GTF3C1: variants seen among roughly 807,000 people sequenced by gnomAD.
GTF3C1 encodes the protein general transcription factor IIIC subunit 1.
A neutral mutation model predicts 226.7 loss-of-function variants in GTF3C1; 57 were observed. That is an observed-to-expected ratio of 0.25 (90% CI 0.20 to 0.31). GTF3C1 has a LOEUF of 0.31. GTF3C1 is among the 10% of genes least tolerant of loss of function. The pLI is 1.00. For missense variants in GTF3C1, 2,217 were observed against 2,776.1 expected (o/e 0.80, Z 4.53); for synonymous variants, 1,090 against 1,084.8 (o/e 1.00, Z -0.09).
Position 27,522,802 on chromosome 16 carries a change from G to A in GTF3C1, c.973+5796C>T, listed in dbSNP as rs150137882. On this transcript the variant is annotated intron_variant, in intron 6 of 36. Coordinates refer to ENST00000356183, the MANE Select transcript of GTF3C1 (RefSeq NM_001520.4). Reference sequence around the variant, plus strand: ...ATTTTGTAGTTTTCACAGCGTATATGTTTTGTACTTCTTTTGTTAAATATA... The same window carrying A: ...ATTTTGTAGTTTTCACAGCGTATATATTTTGTACTTCTTTTGTTAAATATA... Among the ~76,000 whole-genome samples the A allele has an allele frequency of 2.0e-5, 3 of 152,288 alleles. No individual in the cohort carries two copies. The East Asian group carries it at 5.8e-4, about 29-fold the overall frequency.
At position 27,464,369 on chromosome 16, in the gene GTF3C1, C is replaced by T. The variant is rs2087750807; in HGVS notation, c.5823G>A (p.Glu1941=). 1 of 1,570,628 alleles carries T rather than the reference C, an allele frequency of 6.4e-7. No homozygotes were observed. Among genetic ancestry groups the T allele is most frequent in the Non-Finnish European group, 8.6e-7 (1 of 1,161,426 alleles). The part of the protein sequence containing the change: ...GVGEFSSPGQ[E]QLSGQAQPPE... ...GAGGCTGCGCCTGGCCGCTCAGCTG[C>T]TCTTGGCCTGGGGAACTGAACTCAC... is the stretch of plus-strand genomic sequence containing the variant. The change falls in exon 34 of 37, where the codon GAG becomes GAA. Residue 1941 remains glutamate, a synonymous_variant. Coordinates refer to ENST00000356183, the MANE Select transcript of GTF3C1 (RefSeq NM_001520.4).
At position 27,461,059 on chromosome 16, in the gene GTF3C1, G is replaced by T; in HGVS notation, c.*291C>A. On this transcript the variant is annotated 3_prime_UTR_variant, in exon 37 of 37. Coordinates refer to ENST00000356183, the MANE Select transcript of GTF3C1 (RefSeq NM_001520.4). The surrounding 1 kb of genome is among the most constrained non-coding windows in gnomAD (Gnocchi z 5.3). The stretch of plus-strand genomic sequence containing the variant: ...TGGAATGTGAGGTGTGCACAGGCGG[G>T]GCAAACTCTGGAGACCCAGAGACAA... The T allele has an allele frequency of 2.8e-6, 1 of 358,172 alleles. No individual in the cohort carries two copies. The highest frequency in any genetic ancestry group is 5.2e-6 in the Non-Finnish European group (1 of 193,922). The allele number at this position is 358,172 out of a possible 1,614,324, so 22.2% of individuals were successfully genotyped here. A position where few individuals can be genotyped will look rare whatever the true frequency, so the allele number is the denominator to read the frequency against.
In GTF3C1 at chr16:27,492,607, G is replaced by T; in HGVS notation, c.2973+10C>A. 1 of 1,567,386 alleles carries T rather than the reference G, an allele frequency of 6.4e-7. No homozygotes were observed. The highest frequency in any genetic ancestry group is 8.8e-7 in the Non-Finnish European group (1 of 1,137,374). ...CAGAATTTCCTTCGTTTGGGCTTGA[G>T]GGACATTACCTGATCTTTATCCTGA... On this transcript the variant is annotated intron_variant, in intron 18 of 36. Coordinates refer to ENST00000356183, the MANE Select transcript of GTF3C1 (RefSeq NM_001520.4). The surrounding 1 kb of genome is among the most constrained non-coding windows in gnomAD (Gnocchi z 5.0).
At chr16:27,515,519 C>T (rs1596647111) in intron 6 of GTF3C1, among the ~76,000 whole-genome samples, 1 of 151,966 alleles carries the variant, frequency 6.6e-6, no homozygotes, top group African/African-American at 2.4e-5. Context: ...GGTTCACCGT[C>T]CTCACCTCTC....
chr16:27,515,456 A>T (rs1364199385), intron 6 of GTF3C1, among the ~76,000 whole-genome samples: 19 of 151,556 alleles, frequency 1.3e-4, no homozygotes, highest in Non-Finnish European at 2.8e-4. Flanking sequence ...CAAACAAAAC[A>T]AAACACAACA....
intron 34 of GTF3C1, chr16:27,464,018 C>A: frequency 4.6e-6 from 2 of 437,090 alleles, no homozygotes; most frequent in Non-Finnish European, 8.0e-6. Flanking sequence ...GAAGTTGAGA[C>A]CCCCATGCCA....
Position 27,469,930 on chromosome 16 carries a change from A to G in GTF3C1, c.4814+178T>C, listed in dbSNP as rs890313895. ...GCGTCCTTCTCTTTGGCTGATTCCC[A>G]TAACACCTGGGAGGCACCAGCAGAG... On this transcript the variant is annotated intron_variant, in intron 31 of 36. Transcript: ENST00000356183. The surrounding 1 kb of genome is among the most constrained non-coding windows in gnomAD (Gnocchi z 4.5). Among the ~76,000 whole-genome samples, 1 of 151,828 alleles carries G rather than the reference A, an allele frequency of 6.6e-6. No homozygotes were observed. The highest frequency in any genetic ancestry group is 1.5e-5 in the Non-Finnish European group (1 of 67,984).
In GTF3C1 at chr16:27,486,152, C is replaced by T; in HGVS notation, c.3703G>A (p.Glu1235Lys). ...GKKIKRKKKG[E>K]FPGEKSKRLR... ...CTTTTGCTTTTTTCTCCTGGGAACT[C>T]TCCTAAAAACACCAGAGGGAGAAGG... Residue 1235 changes from glutamate (E) to lysine (K), a missense_variant and splice_region_variant, in exon 24 of 37, where the codon GAG (glutamate) becomes AAG (lysine). By Grantham distance (56) the Glu-to-Lys change is moderately conservative. This residue lies in a region of GTF3C1 where 546 missense variants were observed against 663.0 expected (regional missense o/e 0.82). Coordinates refer to ENST00000356183, the MANE Select transcript of GTF3C1 (RefSeq NM_001520.4). The T allele has an allele frequency of 6.3e-7, 1 of 1,585,712 alleles. No individual in the cohort carries two copies. Among genetic ancestry groups the T allele is most frequent in the South Asian group, 1.1e-5 (1 of 89,550 alleles).
intron 32 of GTF3C1, among the ~76,000 whole-genome samples, chr16:27,466,600 C>A (rs1431261394): frequency 6.6e-6 from 1 of 152,156 alleles, no homozygotes; most frequent in Non-Finnish European, 1.5e-5. Context: ...TCTCACTTTA[C>A]ATCAAAAGCT....
In GTF3C1 at chr16:27,486,206, C is replaced by T. The variant is rs746309145; in HGVS notation, c.3701-52G>A. ...GAGACCTCTAACACCTGGTTTGGAG[C>T]TGTCACTCTGCAGAGGGGCAGGTTC... On this transcript the variant is annotated intron_variant, in intron 23 of 36. Coordinates refer to ENST00000356183, the MANE Select transcript of GTF3C1 (RefSeq NM_001520.4). 1.1e-5 allele frequency: 12 copies of T among 1,110,598 alleles called. No homozygotes were observed. The East Asian group carries it at 2.7e-4, about 25-fold the overall frequency. 68.8% of individuals were successfully genotyped at this position (1,110,598 alleles called of 1,614,324 possible). A position where few individuals can be genotyped will look rare whatever the true frequency, so the allele number is the denominator to read the frequency against.
intron 26 of GTF3C1, among the ~76,000 whole-genome samples, chr16:27,481,407 G>C (rs2088045873): frequency 6.6e-6 from 1 of 152,010 alleles, no homozygotes; most frequent in African/African-American, 2.4e-5. Context: ...CTACGCTCAG[G>C]AAACTGGGGT....
chr16:27,485,386 G>A (rs1478599314), intron 24 of GTF3C1, among the ~76,000 whole-genome samples: 1 of 152,256 alleles, frequency 6.6e-6, no homozygotes, highest in Non-Finnish European at 1.5e-5. Context: ...CCACGCCGGT[G>A]AGCCAAGAGG....
intron 2 of GTF3C1, among the ~76,000 whole-genome samples, chr16:27,543,803 G>A (rs1290909065): frequency 6.6e-6 from 1 of 152,190 alleles, no homozygotes; most frequent in Non-Finnish European, 1.5e-5. Context: ...AAAGCTTTGA[G>A]TCCTTAACAG....
rs573789041 is a variant in GTF3C1, at chr16:27,463,483, C to A, written c.5924+58G>T. 3.0e-5 allele frequency: 28 copies of A among 942,822 alleles called. No individual in the cohort carries two copies. In the East Asian group the frequency reaches 6.5e-4, roughly 22 times the overall value. 58.4% of individuals were successfully genotyped at this position (942,822 alleles called of 1,614,324 possible). On this transcript the variant is annotated intron_variant, in intron 35 of 36. Coordinates refer to ENST00000356183, the MANE Select transcript of GTF3C1 (RefSeq NM_001520.4). This position sits in a 1 kb window ranked among gnomAD's most constrained non-coding sequence, Gnocchi z 4.9. ...TCAAAGACCCTCACACAAATCCTTA[C>A]ACTCGGTCCCTGTCAAGAGCCCCGC...
chr16:27,474,262 C>T (rs1256825675), intron 29 of GTF3C1, among the ~76,000 whole-genome samples: 1 of 152,196 alleles, frequency 6.6e-6, no homozygotes, highest in Non-Finnish European at 1.5e-5. Context: ...TTTCCATGCC[C>T]CTGGGGGTTA....
In GTF3C1 at chr16:27,470,094, T is replaced by C. The variant is rs1379925537; in HGVS notation, c.4814+14A>G. 3 of 1,607,648 alleles carry C rather than the reference T, an allele frequency of 1.9e-6. No homozygotes were observed. Among genetic ancestry groups the C allele is most frequent in the Non-Finnish European group, 2.6e-6 (3 of 1,175,304 alleles). On this transcript the variant is annotated intron_variant, in intron 31 of 36. Transcript: ENST00000356183. The surrounding 1 kb of genome is among the most constrained non-coding windows in gnomAD (Gnocchi z 4.9). ...ACGTGGCCAGACCTGATGCTGCGGA[T>C]GCCGGACTCTTACCTTTTGATGACC...
At position 27,472,084 on chromosome 16, in the gene GTF3C1, G is replaced by T. The variant is rs978306684; in HGVS notation, c.4354-164C>A. ...TGTGTCAGTGAGTGTGTGTGTGAGT[G>T]TGTGTATCAGGGGGAGGGGTGCTGA... On this transcript the variant is annotated intron_variant, in intron 29 of 36. Coordinates refer to ENST00000356183, the MANE Select transcript of GTF3C1 (RefSeq NM_001520.4). Among the ~76,000 whole-genome samples the T allele has an allele frequency of 1.1e-4, 16 of 152,202 alleles. No homozygotes were observed. The East Asian group carries it at 3.1e-3, about 29-fold the overall frequency.
At chr16:27,526,943 C>T (rs1000739706) in intron 6 of GTF3C1, among the ~76,000 whole-genome samples, 7 of 152,230 alleles carry the variant, frequency 4.6e-5, no homozygotes, top group East Asian at 1.9e-4. Flanking sequence ...TGGTGGCTCA[C>T]GCCTATAATC....
chr16:27,527,493 T>C (rs2088850928), intron 6 of GTF3C1, among the ~76,000 whole-genome samples: 1 of 152,176 alleles, frequency 6.6e-6, no homozygotes, highest in African/African-American at 2.4e-5. Flanking sequence ...TAAGGAAGGT[T>C]TTTAAAGTTT....
Sources: gnomAD v4.1 joint callset for allele counts (sites outside exome capture counted in the v4.1 genomes callset) on GRCh38, gnomAD v4.1.1 for gene constraint, gnomAD v4.1.1 regional missense constraint, Gnocchi (gnomAD v3.1) non-coding constraint, MANE v1.5 for transcripts, NCBI Gene and HGNC (gene_info 2026-07-23, HGNC 2026-07-21) for gene names.